The following MACROD2 variants were observed in gnomAD, a reference collection of about 807,000 sequenced individuals.
The protein encoded by MACROD2 is ADP-ribose glycohydrolase MACROD2.
MACROD2 carries 36 observed loss-of-function variants against 70.4 expected under a neutral mutation model. That is an observed-to-expected ratio of 0.51 (90% CI 0.39 to 0.68). The LOEUF (loss-of-function observed/expected upper bound fraction) is 0.68, where lower values mean the gene tolerates loss of function less well. Ranked by LOEUF, MACROD2 falls within the 30% of genes least tolerant of loss-of-function variation. MACROD2 has a pLI of 0.00. For synonymous variants in MACROD2, 172 were observed against 178.8 expected (o/e 0.96, Z 0.30); for missense variants, 496 against 538.4 (o/e 0.92, Z 0.78).
At chr20:14,944,023 A>C (rs950453087) in intron 5 of MACROD2, among the ~76,000 whole-genome samples, 2 of 152,188 alleles carry the variant, frequency 1.3e-5, no homozygotes, top group African/African-American at 4.8e-5. Context: ...GAATTTTAAC[A>C]GTCGTATACA....
rs112958865 is a variant in MACROD2 at position 15,127,180 on chromosome 20, C to T, written c.419-102760C>T. ...GATTTGGTTTCCAATCAGGAAATAACTCTTCAACCAAAGATCCTAGCCCAC... is the reference window on the plus strand; with the variant it reads ...GATTTGGTTTCCAATCAGGAAATAATTCTTCAACCAAAGATCCTAGCCCAC... On this transcript the variant is annotated intron_variant, in intron 5 of 17. Coordinates refer to ENST00000684519, the MANE Select transcript of MACROD2 (RefSeq NM_001351661.2). Among the ~76,000 whole-genome samples the T allele has an allele frequency of 7.9e-3, 1,206 of 152,122 alleles. 20 individuals are homozygous for T. Among genetic ancestry groups the T allele is most frequent in the African/African-American group, 0.028 (1,146 of 41,524 alleles).
chr20:14,980,350 A>T (rs1013541703), intron 5 of MACROD2, among the ~76,000 whole-genome samples: 1 of 151,998 alleles, frequency 6.6e-6, no homozygotes, highest in Non-Finnish European at 1.5e-5. Flanking sequence ...TCCCCACATG[A>T]TGCCTTGTCC....
intron 8 of MACROD2, among the ~76,000 whole-genome samples, chr20:15,555,857 A>G (rs1195790923): frequency 7.4e-6 from 1 of 134,898 alleles, no homozygotes; most frequent in Non-Finnish European, 1.6e-5. Context: ...AAAAAAAAGG[A>G]AAAGAAAAGA....
intron 8 of MACROD2, among the ~76,000 whole-genome samples, chr20:15,752,217 G>A (rs983225126): frequency 1.3e-5 from 2 of 151,874 alleles, no homozygotes; most frequent in African/African-American, 4.8e-5. Flanking sequence ...TAGGTTATAG[G>A]TATTTTAGTA....
chr20:14,747,950 C>T lies in MACROD2; in HGVS notation c.418+62991C>T, dbSNP rs976326127. 2.6e-5 allele frequency among the ~76,000 whole-genome samples: 4 copies of T among 152,146 alleles called. No homozygotes were observed. The East Asian group carries it at 7.7e-4, about 29-fold the overall frequency. ...CTGGATTTGGCTTTTCTGACAGTTT[C>T]CTGAGAATTGTCTCAGGAGGAAAGG... On this transcript the variant is annotated intron_variant, in intron 5 of 17. Coordinates refer to ENST00000684519, the MANE Select transcript of MACROD2 (RefSeq NM_001351661.2).
intron 6 of MACROD2, among the ~76,000 whole-genome samples, chr20:15,292,173 G>A (rs370820098): frequency 5.1e-4 from 78 of 152,136 alleles, no homozygotes; most frequent in African/African-American, 1.9e-3. Context: ...ACCATCCCTG[G>A]CCTTTTGTCA....
At chr20:15,216,810 T>C (rs2076814685) in intron 5 of MACROD2, among the ~76,000 whole-genome samples, 1 of 152,162 alleles carries the variant, frequency 6.6e-6, no homozygotes, top group African/African-American at 2.4e-5. Flanking sequence ...CTCCTCACAT[T>C]CTCTGCCCAT....
chr20:15,095,552 C>G (rs1424438500), intron 5 of MACROD2, among the ~76,000 whole-genome samples: 2 of 151,934 alleles, frequency 1.3e-5, no homozygotes, highest in Non-Finnish European at 2.9e-5. Context: ...GGGTCTTGCT[C>G]TGTAGCCCAG....
At chr20:15,828,938 C>T (rs1028726450) in intron 8 of MACROD2, among the ~76,000 whole-genome samples, 2 of 152,090 alleles carry the variant, frequency 1.3e-5, no homozygotes, top group Non-Finnish European at 2.9e-5. Context: ...TTTGTAAATA[C>T]CATAATTTTT....
At chr20:15,861,071 A>C (rs760056667) in intron 8 of MACROD2, among the ~76,000 whole-genome samples, 1 of 152,198 alleles carries the variant, frequency 6.6e-6, no homozygotes, top group African/African-American at 2.4e-5. Context: ...TTTACTGTTT[A>C]CACTTTGGTT....
intron 3 of MACROD2, among the ~76,000 whole-genome samples, chr20:14,302,353 C>T (rs986674905): frequency 7.9e-5 from 12 of 152,170 alleles, no homozygotes; most frequent in Non-Finnish European, 1.5e-4. Context: ...CTTATTAAAT[C>T]CTTTTTAGGC....
intron 5 of MACROD2, among the ~76,000 whole-genome samples, chr20:15,026,902 G>A (rs911377250): frequency 6.6e-6 from 1 of 152,178 alleles, no homozygotes; most frequent in Non-Finnish European, 1.5e-5. Context: ...CAAGTGCAAT[G>A]CAAAGAGCCA....
chr20:15,871,214 G>C (rs1297338339), intron 9 of MACROD2, among the ~76,000 whole-genome samples: 1 of 149,050 alleles, frequency 6.7e-6, no homozygotes, highest in Non-Finnish European at 1.5e-5. Context: ...AACATTTAAA[G>C]TTCTCAAAAA....
intron 5 of MACROD2, among the ~76,000 whole-genome samples, chr20:14,909,986 A>C (rs976092300): frequency 1.3e-5 from 2 of 152,150 alleles, no homozygotes; most frequent in African/African-American, 4.8e-5. Flanking sequence ...TGTTTTCTTG[A>C]GAACCTTTGG....
intron 10 of MACROD2, among the ~76,000 whole-genome samples, chr20:15,928,180 A>C: frequency 6.6e-6 from 1 of 152,236 alleles, no homozygotes; most frequent in East Asian, 1.9e-4. Flanking sequence ...TTCAAGGCTG[A>C]TGGGCATGAT....
At chr20:14,300,659 G>A (rs893687483) in intron 3 of MACROD2, among the ~76,000 whole-genome samples, 29 of 152,088 alleles carry the variant, frequency 1.9e-4, no homozygotes, top group Admixed American at 1.3e-4. Flanking sequence ...ATTCAGCTTC[G>A]GACTACATTT....
At chr20:14,596,367 G>T (rs546518056) in intron 4 of MACROD2, among the ~76,000 whole-genome samples, 1 of 150,094 alleles carries the variant, frequency 6.7e-6, no homozygotes, top group South Asian at 2.1e-4. Context: ...TGGGATTACA[G>T]GCGTGAGCCA....
intron 4 of MACROD2, among the ~76,000 whole-genome samples, chr20:14,589,028 A>C (rs1466417564): frequency 6.6e-6 from 1 of 152,160 alleles, no homozygotes; most frequent in African/African-American, 2.4e-5. Flanking sequence ...TTATCTCAGA[A>C]AAAAAGTGTC....
chr20:15,759,103 G>A (rs1232416101), intron 8 of MACROD2, among the ~76,000 whole-genome samples: 9 of 128,856 alleles, frequency 7.0e-5, no homozygotes, highest in Non-Finnish European at 1.4e-4. Flanking sequence ...CCAAGATTGC[G>A]CCACTGTACT....
Sources: gnomAD v4.1 joint callset for allele counts (sites outside exome capture counted in the v4.1 genomes callset) on GRCh38, gnomAD v4.1.1 for gene constraint, MANE v1.5 for transcripts, NCBI Gene and HGNC (gene_info 2026-07-23, HGNC 2026-07-21) for gene names.